UNC5C: variants seen among roughly 807,000 people sequenced by gnomAD.
The protein encoded by UNC5C is netrin receptor UNC5C.
UNC5C carries 47 observed loss-of-function variants against 99.8 expected under a neutral mutation model. The observed-to-expected ratio is 0.47, with a 90% CI of 0.37 to 0.60. The LOEUF (loss-of-function observed/expected upper bound fraction) is 0.60. Among genes scored for constraint, UNC5C ranks in the 20% least tolerant of loss-of-function variants. The pLI, the probability that UNC5C is intolerant of heterozygous loss-of-function variation, is 0.00. For missense variants in UNC5C, 1,062 were observed against 1,165.9 expected (o/e 0.91, Z 1.30); for synonymous variants, 487 against 452.2 (o/e 1.08, Z -0.98).
At chr4:95,400,386 T>TA (rs1745654087) in intron 1 of UNC5C, among the ~76,000 whole-genome samples, 1 of 100,644 alleles carries the variant, frequency 9.9e-6, no homozygotes, top group African/African-American at 5.6e-5. Flanking sequence ...GATGAATTCT[T>TA]TTTTTTTTTT....
At chr4:95,216,360 T>C (rs1335226010) in intron 9 of UNC5C, 149 bp from the exon 10 acceptor site, 5 of 604,734 alleles carry the variant, frequency 8.3e-6, no homozygotes, top group Admixed American at 3.0e-5. Context: ...TCCTTCCTCA[T>C]TGGCCTCCTT....
intron 3 of UNC5C, among the ~76,000 whole-genome samples, chr4:95,297,077 A>G (rs1741693195): frequency 6.6e-6 from 1 of 152,108 alleles, no homozygotes; most frequent in Non-Finnish European, 1.5e-5. Flanking sequence ...TGACTAGTCT[A>G]TGTAGGGGAA....
chr4:95,538,507 A>G (rs533656980), intron 1 of UNC5C, among the ~76,000 whole-genome samples: 17 of 152,178 alleles, frequency 1.1e-4, no homozygotes, highest in Non-Finnish European at 1.9e-4. Flanking sequence ...CTCCCTCATT[A>G]GGATTTAGAC....
At chr4:95,301,911 T>G (rs1741897122) in intron 2 of UNC5C, among the ~76,000 whole-genome samples, 162 bp from the exon 3 acceptor site, 1 of 152,226 alleles carries the variant, frequency 6.6e-6, no homozygotes, top group Non-Finnish European at 1.5e-5. Context: ...GTTCCAGTTA[T>G]TTTACTCAAC....
At chr4:95,174,856 C>A (rs1736271256) in intron 14 of UNC5C, among the ~76,000 whole-genome samples, 1 of 149,340 alleles carries the variant, frequency 6.7e-6, no homozygotes, top group African/African-American at 2.5e-5. Flanking sequence ...TAAAATCTCC[C>A]ATTATTAATG....
Position 95,185,037 on chromosome 4 carries a change from G to C in UNC5C, c.2286+10C>G. On this transcript the variant is annotated intron_variant, in intron 13 of 15. Coordinates refer to ENST00000453304, the MANE Select transcript of UNC5C (RefSeq NM_003728.4). ...GTCTCCAGACCTTTTGTTCGGCTTG[G>C]GAACCTTACCTGATATTTAGCCAGC... is the stretch of plus-strand genomic sequence containing the variant. 6.2e-7 allele frequency: 1 copy of C among 1,606,490 alleles called. No homozygotes were observed. Among genetic ancestry groups the C allele is most frequent in the African/African-American group, 1.3e-5 (1 of 74,420 alleles).
At chr4:95,405,459 A>G (rs1745808622) in intron 1 of UNC5C, among the ~76,000 whole-genome samples, 1 of 152,104 alleles carries the variant, frequency 6.6e-6, no homozygotes, top group Non-Finnish European at 1.5e-5. Flanking sequence ...CTGTTATTCT[A>G]TCATTCCAGT....
chr4:95,313,754 A>G (rs979574082), intron 2 of UNC5C, among the ~76,000 whole-genome samples: 3 of 152,238 alleles, frequency 2.0e-5, no homozygotes, highest in South Asian at 4.1e-4. Flanking sequence ...TTTAAAAAGC[A>G]TACTATAAAG....
At chr4:95,252,162 GT>G (rs1739770868) in intron 4 of UNC5C, among the ~76,000 whole-genome samples, 1 of 152,168 alleles carries the variant, frequency 6.6e-6, no homozygotes, top group South Asian at 2.1e-4. Context: ...TTCACCCTAT[GT>G]GTGGAAATAC....
At chr4:95,360,730 T>C (rs1474817803) in intron 1 of UNC5C, among the ~76,000 whole-genome samples, 1 of 152,190 alleles carries the variant, frequency 6.6e-6, no homozygotes, top group Admixed American at 6.5e-5. Context: ...CTCTGGCCTC[T>C]TGTGTTTCAG....
intron 7 of UNC5C, among the ~76,000 whole-genome samples, chr4:95,238,242 C>T (rs1739198251): frequency 6.6e-6 from 1 of 152,020 alleles, no homozygotes; most frequent in South Asian, 2.1e-4. Flanking sequence ...ATATATGTAG[C>T]TTTATTTCCA....
chr4:95,390,390 C>CA (rs1745322616), intron 1 of UNC5C, among the ~76,000 whole-genome samples: 1 of 55,562 alleles, frequency 1.8e-5, no homozygotes, highest in African/African-American at 1.2e-4. Context: ...TTCCACATTT[C>CA]CAAAAAAAAA....
intron 3 of UNC5C, among the ~76,000 whole-genome samples, chr4:95,280,644 G>C (rs1249592929): frequency 6.6e-6 from 1 of 151,698 alleles, no homozygotes. Context: ...AGCCAAGATT[G>C]CACCACTGTA....
intron 3 of UNC5C, among the ~76,000 whole-genome samples, chr4:95,281,704 T>C (rs557535162): frequency 6.6e-6 from 1 of 152,340 alleles, no homozygotes; most frequent in African/African-American, 2.4e-5. Flanking sequence ...CTGAGTGGCA[T>C]AGTATCAAGA....
At chr4:95,440,166 A>G (rs181666347) in intron 1 of UNC5C, among the ~76,000 whole-genome samples, 1 of 152,262 alleles carries the variant, frequency 6.6e-6, no homozygotes, top group Admixed American at 6.5e-5. Context: ...CAGAGAGGCT[A>G]TTGTTCTGCA....
At chr4:95,292,250 T>C (rs1293823839) in intron 3 of UNC5C, among the ~76,000 whole-genome samples, 16 of 144,914 alleles carry the variant, frequency 1.1e-4, no homozygotes, top group African/African-American at 3.0e-4. Flanking sequence ...TATATATATA[T>C]ATATATATAT....
intron 3 of UNC5C, among the ~76,000 whole-genome samples, chr4:95,300,384 A>T (rs1741824023): frequency 6.6e-6 from 1 of 152,240 alleles, no homozygotes; most frequent in African/African-American, 2.4e-5. Context: ...TTATTTGATT[A>T]TGGAAGCCTT....
chr4:95,274,104 T>A (rs1170453266), intron 4 of UNC5C, among the ~76,000 whole-genome samples: 1 of 152,148 alleles, frequency 6.6e-6, no homozygotes, highest in African/African-American at 2.4e-5. Context: ...CATGAGCTTG[T>A]CAGGCAAGAA....
chr4:95,205,852 G>T (rs1327106226), intron 11 of UNC5C, among the ~76,000 whole-genome samples: 9 of 152,090 alleles, frequency 5.9e-5, no homozygotes, highest in Non-Finnish European at 1.2e-4. Context: ...CTTCCTTCTA[G>T]TGGAGCTTTG....
Sources: gnomAD v4.1 joint callset for allele counts (sites outside exome capture counted in the v4.1 genomes callset) on GRCh38, gnomAD v4.1.1 for gene constraint, MANE v1.5 for transcripts, NCBI Gene and HGNC (gene_info 2026-07-23, HGNC 2026-07-21) for gene names.